C10orf90: variants seen among roughly 807,000 people sequenced by gnomAD.
C10orf90 encodes the protein (E2-independent) E3 ubiquitin-conjugating enzyme FATS.
A neutral mutation model predicts 62.5 loss-of-function variants in C10orf90; 56 were observed. That is an observed-to-expected ratio of 0.90 (90% CI 0.72 to 1.12). The LOEUF (loss-of-function observed/expected upper bound fraction) is 1.12, where lower values mean the gene tolerates loss of function less well. Ranked by LOEUF, C10orf90 falls within the 50% of genes most tolerant of loss-of-function variation. The pLI is 0.00. For missense variants in C10orf90, 970 were observed against 880.4 expected (o/e 1.10, Z -1.29); for synonymous variants, 386 against 340.4 (o/e 1.13, Z -1.47).
intron 4 of C10orf90, among the ~76,000 whole-genome samples, chr10:126,474,386 G>T (rs374742417): frequency 3.6e-4 from 55 of 152,270 alleles, no homozygotes; most frequent in African/African-American, 1.3e-3. Flanking sequence ...AATCCCATCA[G>T]GTTCCCAGAA....
chr10:126,617,270 G>A (rs1295600051), intron 2 of C10orf90, among the ~76,000 whole-genome samples: 3 of 152,156 alleles, frequency 2.0e-5, no homozygotes, highest in Non-Finnish European at 4.4e-5. Context: ...TCCAACCAGA[G>A]CAGGATAAGA....
At chr10:126,605,059 A>T (rs1045791828) in intron 2 of C10orf90, among the ~76,000 whole-genome samples, 2 of 152,250 alleles carry the variant, frequency 1.3e-5, no homozygotes, top group African/African-American at 4.8e-5. Flanking sequence ...TCGATTTTCA[A>T]ATGAATGTTA....
At chr10:126,613,879 G>C (rs1261286533) in intron 2 of C10orf90, among the ~76,000 whole-genome samples, 1 of 152,212 alleles carries the variant, frequency 6.6e-6, no homozygotes, top group Non-Finnish European at 1.5e-5. Context: ...TCTGGAAGAA[G>C]TGGCTGGTTG....
In C10orf90 at chr10:126,540,954, A is replaced by G. The variant is rs1206314173; in HGVS notation, c.314-27015T>C. Among the ~76,000 whole-genome samples, 4 of 152,360 alleles carry G rather than the reference A, an allele frequency of 2.6e-5. No individual in the cohort carries two copies. In the East Asian group the frequency reaches 5.8e-4, roughly 22 times the overall value. ...TTATAGTCCATATTTAAAGCCATAC[A>G]CCAAACTAAATTTAAAATGCATTTA... On this transcript the variant is annotated intron_variant, in intron 2 of 9. Transcript: ENST00000488181.
chr10:126,443,661 C>T (rs896844518), intron 7 of C10orf90, among the ~76,000 whole-genome samples: 4 of 152,028 alleles, frequency 2.6e-5, no homozygotes, highest in African/African-American at 7.2e-5. Flanking sequence ...AAAGGAAACC[C>T]TCCCTAATTC....
intron 4 of C10orf90, among the ~76,000 whole-genome samples, chr10:126,471,080 G>A (rs928766165): frequency 7.9e-5 from 12 of 152,296 alleles, no homozygotes; most frequent in Admixed American, 1.3e-4. Flanking sequence ...AGGAGGAGGC[G>A]GATAGCAAAT....
intron 2 of C10orf90, among the ~76,000 whole-genome samples, chr10:126,550,066 C>T (rs976057719): frequency 2.6e-5 from 4 of 151,934 alleles, no homozygotes; most frequent in African/African-American, 9.7e-5. Flanking sequence ...AGCAATTCTC[C>T]TGCCTCAGCC....
intron 7 of C10orf90, among the ~76,000 whole-genome samples, chr10:126,451,980 A>G (rs1469579775): frequency 6.6e-6 from 1 of 152,162 alleles, no homozygotes; most frequent in Admixed American, 6.5e-5. Flanking sequence ...GCTAAACTGA[A>G]TGAGTAAATT....
intron 2 of C10orf90, chr10:126,522,680 C>T (rs1365909487): frequency 1.3e-5 from 2 of 152,228 alleles, no homozygotes; most frequent in African/African-American, 2.4e-5. Context: ...TATGACTACT[C>T]ATTTTACAGA....
At chr10:126,666,884 G>A (rs1045844222) in intron 1 of C10orf90, among the ~76,000 whole-genome samples, 1 of 151,178 alleles carries the variant, frequency 6.6e-6, no homozygotes, top group Non-Finnish European at 1.5e-5. Context: ...GGAGGCTGAG[G>A]CAGGAGAATC....
chr10:126,572,228 T>C (rs896888699), intron 2 of C10orf90, among the ~76,000 whole-genome samples: 15 of 152,184 alleles, frequency 9.9e-5, no homozygotes, highest in African/African-American at 3.6e-4. Flanking sequence ...AAAACCAAGA[T>C]GGCAATGCGA....
At chr10:126,596,564 C>G (rs1225542806) in intron 2 of C10orf90, among the ~76,000 whole-genome samples, 4 of 152,122 alleles carry the variant, frequency 2.6e-5, no homozygotes, top group African/African-American at 9.7e-5. Flanking sequence ...ATTCACCCAA[C>G]CTAGCAAACA....
At chr10:126,666,606 C>T (rs2133878932) in intron 1 of C10orf90, among the ~76,000 whole-genome samples, 1 of 152,170 alleles carries the variant, frequency 6.6e-6, no homozygotes, top group African/African-American at 2.4e-5. Context: ...TTTGTCATTG[C>T]CAATGCCTTC....
rs1387704605 is a variant in C10orf90, at chr10:126,641,042, A to G, written c.313+5523T>C. Among the ~76,000 whole-genome samples the G allele has an allele frequency of 2.6e-5, 4 of 152,312 alleles. No homozygotes were observed. In the East Asian group the frequency reaches 7.7e-4, roughly 29 times the overall value. On this transcript the variant is annotated intron_variant, in intron 2 of 9. Transcript: ENST00000488181. ...TAATCCACACACTGAAATTCCAAAA[A>G]TTAGAGCCTTCCTAAAAACCAGGTG...
chr10:126,514,064 A>G (rs1863292771), intron 2 of C10orf90, 125 bp from the exon 3 acceptor site: 3 of 676,114 alleles, frequency 4.4e-6, no homozygotes, highest in African/African-American at 1.8e-5. Flanking sequence ...TAAATCCAGG[A>G]TAGTCTAACC....
intron 2 of C10orf90, among the ~76,000 whole-genome samples, chr10:126,599,960 G>C (rs1452663043): frequency 1.3e-5 from 2 of 152,218 alleles, no homozygotes; most frequent in East Asian, 3.8e-4. Context: ...GTCAGAAAGT[G>C]TTTCAATTTT....
intron 4 of C10orf90, among the ~76,000 whole-genome samples, chr10:126,495,519 A>C (rs940629245): frequency 6.6e-6 from 1 of 152,258 alleles, no homozygotes; most frequent in Non-Finnish European, 1.5e-5. Flanking sequence ...ATCTGATAGC[A>C]GTATGAAAAA....
rs369240018 is a variant in C10orf90 at position 126,429,869 on chromosome 10, G to C, written c.2189-19C>G. 5.0e-6 allele frequency: 8 copies of C among 1,605,240 alleles called. No homozygotes were observed. The African/African-American group carries it at 1.1e-4, about 21-fold the overall frequency. ...AAGTTATCTGGAAAAAATAGAAAGA[G>C]AATTAAGTTCAGAAGGCATAGAATC... On this transcript the variant is annotated intron_variant, in intron 7 of 9. Coordinates refer to ENST00000488181, the MANE Select transcript of C10orf90 (RefSeq NM_001350921.2).
At chr10:126,562,896 C>T (rs1297432380) in intron 2 of C10orf90, among the ~76,000 whole-genome samples, 2 of 152,238 alleles carry the variant, frequency 1.3e-5, no homozygotes, top group Non-Finnish European at 2.9e-5. Flanking sequence ...GACCAAGATT[C>T]CCAGAGGAAG....
Sources: gnomAD v4.1 joint callset for allele counts (sites outside exome capture counted in the v4.1 genomes callset) on GRCh38, gnomAD v4.1.1 for gene constraint, MANE v1.5 for transcripts, NCBI Gene and HGNC (gene_info 2026-07-23, HGNC 2026-07-21) for gene names.